The following ETV6 variants were observed in gnomAD, a reference collection of about 807,000 sequenced individuals.
ETV6 encodes the protein transcription factor ETV6.
A neutral mutation model predicts 51.1 loss-of-function variants in ETV6; 16 were observed. The observed-to-expected ratio is 0.31, with a 90% confidence interval of 0.21 to 0.48. ETV6 has a LOEUF of 0.48. Ranked by LOEUF, ETV6 falls within the 20% of genes least tolerant of loss-of-function variation. ETV6 has a pLI of 0.99. For synonymous variants in ETV6, 240 were observed against 224.1 expected (o/e 1.07, Z -0.64); for missense variants, 458 against 594.8 (o/e 0.77, Z 2.39).
At chr12:11,751,376 T>G in intron 1 of ETV6, 1 of 519,062 alleles carries the variant, frequency 1.9e-6, no homozygotes, top group Non-Finnish European at 3.8e-6. Flanking sequence ...TACTGGTCTT[T>G]CCTTTCCACC....
At chr12:11,886,151 A>C in intron 7 of ETV6, 125 bp downstream of exon 7, 1 of 700,154 alleles carries the variant, frequency 1.4e-6, no homozygotes, top group Non-Finnish European at 2.5e-6. Flanking sequence ...AATCATTGCT[A>C]CAAACTGGAT....
intron 1 of ETV6, among the ~76,000 whole-genome samples, chr12:11,668,572 G>A (rs776829024): frequency 6.6e-5 from 10 of 152,328 alleles, no homozygotes; most frequent in Non-Finnish European, 1.0e-4. Context: ...AGACAGCACA[G>A]ACGCCAAGGG....
chr12:11,657,121 A>T (rs1033584284), intron 1 of ETV6, among the ~76,000 whole-genome samples: 1 of 152,232 alleles, frequency 6.6e-6, no homozygotes, highest in African/African-American at 2.4e-5. Flanking sequence ...GAGCAAATGT[A>T]GGGAAAGAAA....
chr12:11,879,021 G>A (rs1170661522), intron 5 of ETV6, among the ~76,000 whole-genome samples: 3 of 152,084 alleles, frequency 2.0e-5, no homozygotes, highest in Non-Finnish European at 2.9e-5. Context: ...ACCCCAGTGT[G>A]ACAACCAGAA....
At chr12:11,656,481 C>T (rs565869955) in intron 1 of ETV6, among the ~76,000 whole-genome samples, 31 of 152,332 alleles carry the variant, frequency 2.0e-4, no homozygotes, top group South Asian at 6.2e-4. Flanking sequence ...CTGGTCTCTT[C>T]TGAAGATGGG....
chr12:11,880,913 T>A (rs1028257388), intron 5 of ETV6, among the ~76,000 whole-genome samples: 1 of 152,140 alleles, frequency 6.6e-6, no homozygotes, highest in Non-Finnish European at 1.5e-5. Context: ...CAAACTACTT[T>A]CGTTCGTCCT....
intron 2 of ETV6, among the ~76,000 whole-genome samples, chr12:11,836,885 C>A (rs1946324268): frequency 6.6e-6 from 1 of 152,232 alleles, no homozygotes. Flanking sequence ...CCTCCAGGCA[C>A]CTTCCTAGGC....
intron 4 of ETV6, among the ~76,000 whole-genome samples, chr12:11,859,204 C>A (rs931859945): frequency 7.4e-5 from 9 of 122,080 alleles, no homozygotes; most frequent in African/African-American, 2.8e-4. Flanking sequence ...TGCAGTGGTG[C>A]GATCTCGGTT....
intron 2 of ETV6, among the ~76,000 whole-genome samples, chr12:11,837,068 A>C (rs1180662727): frequency 1.3e-5 from 2 of 151,706 alleles, no homozygotes. Context: ...TTGCTGAGTA[A>C]CCCTCACTGC....
At chr12:11,819,602 C>A (rs1257067651) in intron 2 of ETV6, among the ~76,000 whole-genome samples, 1 of 152,230 alleles carries the variant, frequency 6.6e-6, no homozygotes, top group African/African-American at 2.4e-5. Flanking sequence ...CCAATCCATC[C>A]TCTGTGGGAT....
chr12:11,871,997 C>T (rs1262107856), intron 5 of ETV6, among the ~76,000 whole-genome samples: 1 of 152,222 alleles, frequency 6.6e-6, no homozygotes, highest in Non-Finnish European at 1.5e-5. Flanking sequence ...TGACCCATCT[C>T]GTGCTTTCCA....
At chr12:11,669,176 A>G (rs1021248916) in intron 1 of ETV6, among the ~76,000 whole-genome samples, 1 of 152,232 alleles carries the variant, frequency 6.6e-6, no homozygotes, top group African/African-American at 2.4e-5. Flanking sequence ...CAAAACATCA[A>G]AATGACTGTT....
At chr12:11,825,925 C>T (rs1946148425) in intron 2 of ETV6, among the ~76,000 whole-genome samples, 1 of 151,126 alleles carries the variant, frequency 6.6e-6, no homozygotes, top group South Asian at 2.1e-4. Context: ...GCAGCCACTC[C>T]TAGGCTGAAG....
intron 1 of ETV6, chr12:11,751,829 A>G (rs755231265): frequency 3.1e-5 from 16 of 509,226 alleles, no homozygotes; most frequent in Admixed American, 2.8e-4. Context: ...TGTTGCAGAT[A>G]ATTCCTAGCA....
intron 3 of ETV6, among the ~76,000 whole-genome samples, chr12:11,842,846 TACTC>T (rs1946410631): frequency 6.6e-6 from 1 of 152,160 alleles, no homozygotes; most frequent in Admixed American, 6.5e-5. Flanking sequence ...ATCAAAATAA[TACTC>T]AGGCACAAAG....
At chr12:11,793,523 G>A (rs954914339) in intron 2 of ETV6, among the ~76,000 whole-genome samples, 2 of 152,180 alleles carry the variant, frequency 1.3e-5, no homozygotes, top group Admixed American at 6.5e-5. Context: ...TCTGTTTGGG[G>A]GCCACTAGGA....
At chr12:11,694,925 G>A (rs1240240080) in intron 1 of ETV6, among the ~76,000 whole-genome samples, 2 of 152,066 alleles carry the variant, frequency 1.3e-5, no homozygotes, top group Non-Finnish European at 2.9e-5. Flanking sequence ...TTAGATTGAC[G>A]TGTGATTTAA....
chr12:11,727,873 G>C (rs1045577698), intron 1 of ETV6, among the ~76,000 whole-genome samples: 1 of 152,078 alleles, frequency 6.6e-6, no homozygotes, highest in Non-Finnish European at 1.5e-5. Flanking sequence ...AGGCTGGAGT[G>C]CAGTGGTGCG....
chr12:11,843,591 T>A (rs1172365756), intron 3 of ETV6, among the ~76,000 whole-genome samples: 2 of 152,178 alleles, frequency 1.3e-5, no homozygotes, highest in African/African-American at 2.4e-5. Context: ...TCTCTATATA[T>A]GGAAACAACA....
Sources: allele counts gnomAD v4.1 joint callset (sites outside exome capture counted in the v4.1 genomes callset), GRCh38; gene constraint gnomAD v4.1.1; transcripts MANE v1.5; gene names NCBI Gene and HGNC (gene_info 2026-07-23, HGNC 2026-07-21).